Variants in CADPS2 observed in about 807,000 individuals in gnomAD.
CADPS2 encodes the protein calcium-dependent secretion activator 2.
A neutral mutation model predicts 172.5 loss-of-function variants in CADPS2; 93 were observed. That is an observed-to-expected ratio of 0.54 (90% CI 0.46 to 0.64). The LOEUF is 0.64. Ranked by LOEUF, CADPS2 falls within the 30% of genes least tolerant of loss-of-function variation. The pLI is 0.00. For missense variants in CADPS2, 1,420 were observed against 1,565.9 expected, an observed-to-expected ratio of 0.91 and a Z score of 1.57; for synonymous variants, 546 against 555.2, an observed-to-expected ratio of 0.98 and a Z score of 0.23.
intron 17 of CADPS2, among the ~76,000 whole-genome samples, chr7:122,420,588 C>T (rs189662354): frequency 7.9e-5 from 12 of 152,244 alleles, no homozygotes; most frequent in South Asian, 2.1e-4. Context: ...ATTAAAAAGC[C>T]GAACATTGGG....
chr7:122,520,053 G>C (rs2060662640), intron 8 of CADPS2, among the ~76,000 whole-genome samples: 1 of 151,836 alleles, frequency 6.6e-6, no homozygotes, highest in Non-Finnish European at 1.5e-5. Context: ...TAAGGTAGCT[G>C]GAAGATAACA....
intron 17 of CADPS2, chr7:122,427,229 C>T (rs1017683308): frequency 2.0e-5 from 3 of 151,806 alleles, no homozygotes; most frequent in Non-Finnish European, 2.9e-5. Flanking sequence ...TTTTCCAGAT[C>T]GTGGGGAATC....
chr7:122,673,490 T>C (rs1240454413), intron 2 of CADPS2, among the ~76,000 whole-genome samples: 2 of 151,532 alleles, frequency 1.3e-5, no homozygotes, highest in South Asian at 2.1e-4. Context: ...GAATGGTGTG[T>C]TTACAATCCT....
At chr7:122,548,812 T>A (rs991789189) in intron 8 of CADPS2, among the ~76,000 whole-genome samples, 8 of 152,180 alleles carry the variant, frequency 5.3e-5, no homozygotes, top group Non-Finnish European at 7.4e-5. Context: ...TCAGACATGG[T>A]TCAAAGCCCT....
intron 6 of CADPS2, among the ~76,000 whole-genome samples, chr7:122,581,699 A>G (rs2068843270): frequency 6.6e-6 from 1 of 152,132 alleles, no homozygotes; most frequent in South Asian, 2.1e-4. Flanking sequence ...TTATATACTA[A>G]AGACTTTACC....
At chr7:122,629,555 C>T (rs1469645867) in intron 3 of CADPS2, among the ~76,000 whole-genome samples, 1 of 152,042 alleles carries the variant, frequency 6.6e-6, no homozygotes, top group East Asian at 1.9e-4. Context: ...ACTCACAAAA[C>T]CACCAAATCA....
intron 1 of CADPS2, among the ~76,000 whole-genome samples, chr7:122,780,653 G>A (rs944501279): frequency 5.3e-5 from 8 of 152,004 alleles, no homozygotes; most frequent in Admixed American, 3.9e-4. Context: ...ACATGTGTGT[G>A]TCTCCACACC....
intron 3 of CADPS2, among the ~76,000 whole-genome samples, chr7:122,634,585 T>C (rs74847837): frequency 0.01 from 1,581 of 152,306 alleles, 25 homozygotes; most frequent in African/African-American, 0.035. Context: ...TAGCAGTCTA[T>C]CAATCCTGTT....
intron 6 of CADPS2, among the ~76,000 whole-genome samples, chr7:122,609,295 T>G (rs2073999061): frequency 6.6e-6 from 1 of 152,092 alleles, no homozygotes; most frequent in South Asian, 2.1e-4. Flanking sequence ...TGGTCATCCC[T>G]CCTACTATCC....
intron 7 of CADPS2, among the ~76,000 whole-genome samples, chr7:122,576,154 G>A (rs1454105164): frequency 6.6e-6 from 1 of 152,084 alleles, no homozygotes; most frequent in East Asian, 1.9e-4. Context: ...TGACAGTCTG[G>A]AAGAGTACTG....
chr7:122,352,584 C>T (rs558787604), intron 27 of CADPS2, among the ~76,000 whole-genome samples: 5 of 152,340 alleles, frequency 3.3e-5, no homozygotes, highest in South Asian at 4.1e-4. Context: ...CACTCCTAGA[C>T]GAGTGAGGCT....
At chr7:122,752,814 T>C (rs2093003899) in intron 1 of CADPS2, among the ~76,000 whole-genome samples, 1 of 152,106 alleles carries the variant, frequency 6.6e-6, no homozygotes, top group Admixed American at 6.6e-5. Context: ...ACTGATAACC[T>C]GCTCCCAAAA....
chr7:122,534,068 T>C (rs141197562), intron 8 of CADPS2, among the ~76,000 whole-genome samples: 2 of 152,262 alleles, frequency 1.3e-5, no homozygotes, highest in East Asian at 3.9e-4. Context: ...ATCCTCATTA[T>C]ATAATATTCA....
intron 7 of CADPS2, among the ~76,000 whole-genome samples, chr7:122,568,973 G>T (rs532190627): frequency 6.6e-6 from 1 of 152,080 alleles, no homozygotes; most frequent in Admixed American, 6.6e-5. Context: ...ACTGGCACAA[G>T]ACAGGGATGC....
At chr7:122,447,041 T>C in intron 15 of CADPS2, among the ~76,000 whole-genome samples, 1 of 141,908 alleles carries the variant, frequency 7.0e-6, no homozygotes, top group East Asian at 2.0e-4. Context: ...CTTTTTTTTT[T>C]TTTTTTTTTT....
chr7:122,784,420 G>T (rs1341196828), intron 1 of CADPS2, among the ~76,000 whole-genome samples: 1 of 152,148 alleles, frequency 6.6e-6, no homozygotes, highest in Admixed American at 6.5e-5. Context: ...GATTTACTGT[G>T]CTTATTTCCT....
intron 1 of CADPS2, among the ~76,000 whole-genome samples, chr7:122,865,785 A>G (rs1336138362): frequency 6.6e-6 from 1 of 152,224 alleles, no homozygotes; most frequent in African/African-American, 2.4e-5. Context: ...ATCCAACTAA[A>G]AATTCTGTTG....
chr7:122,410,353 AAAAAAC>A (rs927116795), intron 19 of CADPS2, among the ~76,000 whole-genome samples: 4 of 152,170 alleles, frequency 2.6e-5, no homozygotes, highest in South Asian at 2.1e-4. Context: ...TAAAAAAAAC[AAAAAAC>A]AAAAACAAAA....
intron 6 of CADPS2, among the ~76,000 whole-genome samples, chr7:122,590,396 G>A (rs1457267335): frequency 1.3e-5 from 2 of 151,804 alleles, no homozygotes; most frequent in Non-Finnish European, 2.9e-5. Flanking sequence ...TCTATAACAT[G>A]TTCTTTTATG....
Sources: gnomAD v4.1 joint callset for allele counts (sites outside exome capture counted in the v4.1 genomes callset) on GRCh38, gnomAD v4.1.1 for gene constraint, MANE v1.5 for transcripts, NCBI Gene and HGNC (gene_info 2026-07-23, HGNC 2026-07-21) for gene names.